DEPTOR: variants seen among roughly 807,000 people sequenced by gnomAD.
The protein encoded by DEPTOR is DEP domain-containing mTOR-interacting protein.
DEPTOR carries 41 observed loss-of-function variants against 41.6 expected under a neutral mutation model. The observed-to-expected ratio is 0.98, with a 90% CI of 0.77 to 1.28. The LOEUF (loss-of-function observed/expected upper bound fraction) is 1.28, where lower values mean the gene tolerates loss of function less well. Among genes scored for constraint, DEPTOR ranks in the 50% most tolerant of loss-of-function variants. The pLI is 0.00. For missense variants in DEPTOR, 514 were observed against 527.9 expected, an observed-to-expected ratio of 0.97 and a Z score of 0.26; for synonymous variants, 195 against 192.3, an observed-to-expected ratio of 1.01 and a Z score of -0.12.
intron 1 of DEPTOR, among the ~76,000 whole-genome samples, chr8:119,875,091 G>C (rs765202526): frequency 1.3e-5 from 2 of 152,162 alleles, no homozygotes; most frequent in Non-Finnish European, 2.9e-5. Flanking sequence ...TGCACCTATC[G>C]ATTCTTTGTT....
At chr8:119,922,442 T>C (rs1356384164) in intron 1 of DEPTOR, among the ~76,000 whole-genome samples, 2 of 152,152 alleles carry the variant, frequency 1.3e-5, no homozygotes, top group African/African-American at 4.8e-5. Context: ...CATCTAAGAA[T>C]TAATATTTTG....
Position 119,960,302 on chromosome 8 carries a change from TTGA to T in DEPTOR, c.426-4925_426-4923del, listed in dbSNP as rs200457003. Among the ~76,000 whole-genome samples the T allele has an allele frequency of 8.0e-3, 1,215 of 152,328 alleles. 8 individuals are homozygous for T. Among genetic ancestry groups the T allele is most frequent in the Non-Finnish European group, 0.011 (722 of 68,022 alleles). On this transcript the variant is annotated intron_variant, in intron 3 of 8. Transcript: ENST00000286234. ...AGAACTTCACTTGCCCCCAAGATTT[TTGA>T]TGATAACAACAATTTAGTGAAGGAA... is the stretch of plus-strand genomic sequence containing the variant.
chr8:119,926,168 C>T (rs960661014), intron 1 of DEPTOR, among the ~76,000 whole-genome samples: 1 of 152,056 alleles, frequency 6.6e-6, no homozygotes, highest in African/African-American at 2.4e-5. Flanking sequence ...CCAGCTTTAC[C>T]AATTTATAAT....
At chr8:119,927,603 A>AAT (rs911423846) in intron 1 of DEPTOR, among the ~76,000 whole-genome samples, 3 of 146,754 alleles carry the variant, frequency 2.0e-5, no homozygotes, top group South Asian at 4.2e-4. Flanking sequence ...TATATATATA[A>AAT]ATATATATAT....
At chr8:119,902,345 AT>A (rs60889015) in intron 1 of DEPTOR, among the ~76,000 whole-genome samples, 75,297 of 150,722 alleles carry the variant, frequency 0.5, 20,440 homozygotes, top group East Asian at 0.92. Context: ...AGGATTTAGG[AT>A]TTTTTTTTTG....
chr8:120,003,150 G>A, intron 6 of DEPTOR, 39 bp downstream of exon 6: 1 of 1,600,422 alleles, frequency 6.2e-7, no homozygotes, highest in Non-Finnish European at 8.5e-7. Context: ...TAAGACTGTG[G>A]GGACTTGGGC....
chr8:119,914,230 C>T (rs1452678524), intron 1 of DEPTOR, among the ~76,000 whole-genome samples: 16 of 145,892 alleles, frequency 1.1e-4, no homozygotes, highest in Non-Finnish European at 1.5e-4. Flanking sequence ...TTAGTAGAGA[C>T]GGGGTTTTGC....
At chr8:119,910,927 T>G (rs1030928656) in intron 1 of DEPTOR, among the ~76,000 whole-genome samples, 6 of 152,136 alleles carry the variant, frequency 3.9e-5, no homozygotes, top group African/African-American at 1.4e-4. Flanking sequence ...TTGTGACTTT[T>G]TTGTTTCCTA....
intron 3 of DEPTOR, among the ~76,000 whole-genome samples, chr8:119,936,000 T>TG (rs1828107245): frequency 1.4e-4 from 2 of 14,814 alleles, no homozygotes; most frequent in Non-Finnish European, 3.2e-4. Context: ...AGTCTAGTTG[T>TG]TTTTTTTTTT....
intron 1 of DEPTOR, among the ~76,000 whole-genome samples, chr8:119,905,727 G>A (rs76299830): frequency 0.22 from 33,112 of 149,784 alleles, 4,193 homozygotes; most frequent in African/African-American, 0.34. Flanking sequence ...TACAGCCTCC[G>A]CCTCTCAGGT....
chr8:119,982,014 T>TA (rs35334859), intron 4 of DEPTOR, among the ~76,000 whole-genome samples: 17,007 of 65,650 alleles, frequency 0.26, 3,399 homozygotes, highest in South Asian at 0.34. Context: ...ATTCCATCTC[T>TA]AAAAAAAAAA....
chr8:119,948,221 A>C (rs1554376), intron 3 of DEPTOR, among the ~76,000 whole-genome samples: 100,168 of 151,954 alleles, frequency 0.66, 33,179 homozygotes, highest in Middle Eastern at 0.78. Flanking sequence ...CTTTTCATTT[A>C]TGCATATCCT....
rs923516905 is a variant in DEPTOR at position 119,950,666 on chromosome 8, G to A, written c.426-14566G>A. Among the ~76,000 whole-genome samples the A allele has an allele frequency of 2.6e-5, 4 of 151,704 alleles. No homozygotes were observed. The East Asian group carries it at 7.7e-4, about 29-fold the overall frequency. On this transcript the variant is annotated intron_variant, in intron 3 of 8. Transcript: ENST00000286234. ...GGCTGGAGTGCAGTGGTGCAATCTC[G>A]GCTCATTGCAATCTCCGCCTCCCGT...
At chr8:119,894,646 T>A (rs1037480932) in intron 1 of DEPTOR, among the ~76,000 whole-genome samples, 1 of 152,030 alleles carries the variant, frequency 6.6e-6, no homozygotes, top group African/African-American at 2.4e-5. Flanking sequence ...TCTGCCCACC[T>A]CTGCCTCCCA....
At chr8:119,978,944 TCTCCCTG>T (rs36212257) in intron 4 of DEPTOR, among the ~76,000 whole-genome samples, 95,706 of 150,318 alleles carry the variant, frequency 0.64, 30,576 homozygotes, top group Middle Eastern at 0.77. Flanking sequence ...CTATCTTCCC[TCTCCCTG>T]CTCCCTGCTC....
intron 8 of DEPTOR, among the ~76,000 whole-genome samples, chr8:120,026,968 C>A (rs916623044): frequency 6.6e-6 from 1 of 152,054 alleles, no homozygotes; most frequent in Non-Finnish European, 1.5e-5. Context: ...CCTATAATCC[C>A]AGTACTTTGG....
chr8:119,979,678 GGT>G (rs138592652), intron 4 of DEPTOR, among the ~76,000 whole-genome samples: 40,335 of 151,762 alleles, frequency 0.27, 5,620 homozygotes, highest in South Asian at 0.36. Flanking sequence ...TGCGTATCAG[GGT>G]TCATATTCTT....
chr8:119,911,136 C>T (rs541169944), intron 1 of DEPTOR, among the ~76,000 whole-genome samples: 41 of 152,114 alleles, frequency 2.7e-4, no homozygotes, highest in South Asian at 1.5e-3. Context: ...GACCAGATAC[C>T]GTGGCCTTCT....
intron 8 of DEPTOR, among the ~76,000 whole-genome samples, chr8:120,009,417 A>G (rs577840726): frequency 6.6e-6 from 1 of 152,214 alleles, no homozygotes; most frequent in South Asian, 2.1e-4. Context: ...GTTCAAGACT[A>G]GCCTGGCCAC....
Sources: allele counts gnomAD v4.1 joint callset (sites outside exome capture counted in the v4.1 genomes callset), GRCh38; gene constraint gnomAD v4.1.1; transcripts MANE v1.5; gene names NCBI Gene and HGNC (gene_info 2026-07-23, HGNC 2026-07-21).